The following GDA variants were observed in gnomAD, a reference collection of about 807,000 sequenced individuals.
GDA encodes cytoplasmic PSD-95 interactor.
GDA carries 18 observed loss-of-function variants against 59.6 expected under a neutral mutation model. The ratio of observed to expected loss-of-function variants is 0.30; its 90% CI spans 0.21 to 0.45. The LOEUF (loss-of-function observed/expected upper bound fraction) is 0.45. GDA is among the 20% of genes least tolerant of loss of function. GDA has a pLI of 1.00. For missense variants in GDA, 427 were observed against 552.3 expected (o/e 0.77, Z 2.27); for synonymous variants, 201 against 201.1 (o/e 1.00, Z 0.00).
At chr9:72,148,466 C>A (rs1362276874), upstream of GDA, among the ~76,000 whole-genome samples, 2 of 152,000 alleles carry the variant, frequency 1.3e-5, no homozygotes, top group South Asian at 4.1e-4. Context: ...TGCTGGGAGT[C>A]CGGTGCCACT....
At chr9:72,138,418 T>C (rs573103780) in intron 1 of GDA, among the ~76,000 whole-genome samples, 1 of 152,342 alleles carries the variant, frequency 6.6e-6, no homozygotes, top group South Asian at 2.1e-4. Flanking sequence ...CGCTCTTAGT[T>C]GAAAATCACT....
chr9:72,219,266 G>A (rs920102736), intron 5 of GDA, among the ~76,000 whole-genome samples: 2 of 151,980 alleles, frequency 1.3e-5, no homozygotes, highest in Non-Finnish European at 2.9e-5. Flanking sequence ...AGCTGGACGT[G>A]GTGGCGGGTG....
downstream of GDA, among the ~76,000 whole-genome samples, chr9:72,258,945 A>T (rs1057384639): frequency 3.3e-5 from 5 of 151,952 alleles, no homozygotes; most frequent in East Asian, 9.7e-4. Context: ...AGGGATTGGG[A>T]TGGTCAGAGC....
At chr9:72,173,035 A>G (rs1016526797) in intron 1 of GDA, among the ~76,000 whole-genome samples, 1 of 152,220 alleles carries the variant, frequency 6.6e-6, no homozygotes, top group Non-Finnish European at 1.5e-5. Context: ...GGCTGCCATA[A>G]CAAATTATTA....
chr9:72,194,827 C>T (rs1056081834), intron 1 of GDA, among the ~76,000 whole-genome samples: 4 of 152,194 alleles, frequency 2.6e-5, no homozygotes, highest in African/African-American at 7.2e-5. Context: ...CAGCAATTCC[C>T]CTCTGGCCAA....
At chr9:72,194,696 C>A (rs537928224) in intron 1 of GDA, among the ~76,000 whole-genome samples, 3 of 152,150 alleles carry the variant, frequency 2.0e-5, no homozygotes, top group Admixed American at 6.5e-5. Context: ...CTAGGACTCA[C>A]ACAAAAGTTG....
At chr9:72,136,908 GA>G (rs1365891039) in intron 1 of GDA, among the ~76,000 whole-genome samples, 1 of 152,124 alleles carries the variant, frequency 6.6e-6, no homozygotes, top group African/African-American at 2.4e-5. Flanking sequence ...CCAGGAGGCG[GA>G]ACTTGCAGTG....
In GDA at chr9:72,225,660, T is replaced by C. The variant is rs1279488209; in HGVS notation, c.715-17T>C. ...ATTTTACAGAAGAAAAATGAAAATATTATTTTTTTCTTGTAGAGCCATATA... is the reference window on the plus strand; with the variant it reads ...ATTTTACAGAAGAAAAATGAAAATACTATTTTTTTCTTGTAGAGCCATATA... On this transcript the variant is annotated splice_polypyrimidine_tract_variant and intron_variant, in intron 7 of 13. Coordinates refer to ENST00000358399, the MANE Select transcript of GDA (RefSeq NM_004293.5). The C allele has an allele frequency of 8.6e-7, 1 of 1,157,714 alleles. No homozygotes were observed. The highest frequency in any genetic ancestry group is 1.3e-6 in the Non-Finnish European group (1 of 789,666). The allele number at this position is 1,157,714 out of a possible 1,614,324, so 71.7% of individuals were successfully genotyped here.
intron 5 of GDA, among the ~76,000 whole-genome samples, chr9:72,215,236 G>T (rs1395252327): frequency 1.3e-5 from 2 of 152,288 alleles, no homozygotes; most frequent in East Asian, 3.9e-4. Context: ...ACAGGTTAAT[G>T]AAAGACTTTC....
Position 72,250,629 on chromosome 9 carries a change from T to C in GDA, c.*2287T>C, listed in dbSNP as rs1336161129. On this transcript the variant is annotated 3_prime_UTR_variant, in exon 14 of 14. Coordinates refer to ENST00000358399, the MANE Select transcript of GDA (RefSeq NM_004293.5). ...GCATTATCTATACCTGGGGCCAGAT[T>C]TTCTGCACTTTGAAATGTTGCCTTT... 2 of 1,590,348 alleles carry C rather than the reference T, an allele frequency of 1.3e-6. No individual in the cohort carries two copies. Among genetic ancestry groups the C allele is most frequent in the Non-Finnish European group, 1.7e-6 (2 of 1,172,018 alleles).
intron 1 of GDA, among the ~76,000 whole-genome samples, chr9:72,119,960 T>A (rs1344904704): frequency 6.6e-6 from 1 of 152,228 alleles, no homozygotes; most frequent in Non-Finnish European, 1.5e-5. Context: ...GAACCACATC[T>A]CTTAGAGCTG....
At chr9:72,225,140 GCATGGTGACA>G (rs1210192033) in intron 7 of GDA, among the ~76,000 whole-genome samples, 1 of 152,102 alleles carries the variant, frequency 6.6e-6, no homozygotes, top group Non-Finnish European at 1.5e-5. Flanking sequence ...AATTAGCCAG[GCATGGTGACA>G]CATGCCTGTA....
At position 72,248,324 on chromosome 9, in the gene GDA, G is replaced by T. The variant is rs199936815; in HGVS notation, c.1347G>T (p.Pro449=). ...ATGTGGGCGGAAAGCAGGTGGTTCC[G>T]TTTTCCAGCTCAGTGTAAGACCCTC... ...EVYVGGKQVV[P]FSSSV Residue 449 remains proline (P), a synonymous_variant, in exon 14 of 14, where the codon CCG becomes CCT. Coordinates refer to ENST00000358399, the MANE Select transcript of GDA (RefSeq NM_004293.5). 5 of 1,613,768 alleles carry T rather than the reference G, an allele frequency of 3.1e-6. No homozygotes were observed. The highest frequency in any genetic ancestry group is 1.3e-5 in the African/African-American group (1 of 74,998).
At chr9:72,146,306 C>T (rs1587336408), upstream of GDA, among the ~76,000 whole-genome samples, 1 of 152,000 alleles carries the variant, frequency 6.6e-6, no homozygotes, top group East Asian at 1.9e-4. Flanking sequence ...CATGCCAAGG[C>T]GGGGCTCTTT....
chr9:72,121,413 C>T (rs1825655888), intron 1 of GDA, among the ~76,000 whole-genome samples: 1 of 152,140 alleles, frequency 6.6e-6, no homozygotes, highest in East Asian at 1.9e-4. Flanking sequence ...GCCTGGCCAA[C>T]ATGGTGAATC....
intron 1 of GDA, among the ~76,000 whole-genome samples, chr9:72,154,786 G>T (rs1042328791): frequency 2.0e-4 from 30 of 152,180 alleles, no homozygotes; most frequent in Admixed American, 1.3e-4. Context: ...CTTTACTGTC[G>T]CTGACTGCTT....
At chr9:72,134,299 A>AT (rs1455510930) in intron 1 of GDA, among the ~76,000 whole-genome samples, 1 of 152,162 alleles carries the variant, frequency 6.6e-6, no homozygotes, top group Non-Finnish European at 1.5e-5. Context: ...GCAAGGTACT[A>AT]TGCCTGCTCT....
chr9:72,156,336 T>C (rs1827886645), intron 1 of GDA, among the ~76,000 whole-genome samples: 1 of 152,186 alleles, frequency 6.6e-6, no homozygotes, highest in African/African-American at 2.4e-5. Context: ...GAGTTCTTTC[T>C]CACCTGAGGC....
intron 3 of GDA, among the ~76,000 whole-genome samples, chr9:72,207,168 A>T (rs894717408): frequency 1.3e-5 from 2 of 152,162 alleles, no homozygotes; most frequent in Admixed American, 1.3e-4. Context: ...TCTTTAATAC[A>T]TAGTTCTTTC....
Sources: gnomAD v4.1 joint callset for allele counts (sites outside exome capture counted in the v4.1 genomes callset) on GRCh38, gnomAD v4.1.1 for gene constraint, MANE v1.5 for transcripts, NCBI Gene and HGNC (gene_info 2026-07-23, HGNC 2026-07-21) for gene names.